MPPED1: variants seen among roughly 807,000 people sequenced by gnomAD.
MPPED1 encodes metallophosphoesterase domain-containing protein 1.
MPPED1 carries 16 observed loss-of-function variants against 36.2 expected under a neutral mutation model. The ratio of observed to expected loss-of-function variants is 0.44; its 90% CI spans 0.30 to 0.67. The LOEUF (loss-of-function observed/expected upper bound fraction) is 0.67, where lower values mean the gene tolerates loss of function less well. Ranked by LOEUF, MPPED1 falls within the 30% of genes least tolerant of loss-of-function variation. The probability of loss-of-function intolerance (pLI) is 0.10; values close to 1 mark genes in which losing one functional copy is unlikely to be tolerated. For missense variants in MPPED1, 307 were observed against 453.4 expected, an observed-to-expected ratio of 0.68 and a Z score of 2.93; for synonymous variants, 199 against 191.3, an observed-to-expected ratio of 1.04 and a Z score of -0.33.
intron 4 of MPPED1, among the ~76,000 whole-genome samples, chr22:43,477,913 T>G (rs1178125520): frequency 6.6e-6 from 1 of 152,152 alleles, no homozygotes; most frequent in African/African-American, 2.4e-5. Context: ...GAGGTCTGCT[T>G]GGGCCCATCC....
At chr22:43,499,045 GGTGGTGATGGAGGTA>G (rs1455601696) in intron 5 of MPPED1, among the ~76,000 whole-genome samples, 5 of 151,750 alleles carry the variant, frequency 3.3e-5, no homozygotes, top group South Asian at 2.1e-4. Context: ...TGGTGGAGGT[GGTGGTGATGGAGGTA>G]GTGGTGATGG....
In MPPED1 at chr22:43,482,528, A is replaced by G. The variant is rs570250400; in HGVS notation, c.632+7567A>G. 9.1e-4 allele frequency among the ~76,000 whole-genome samples: 139 copies of G among 152,296 alleles called. 1 individual carries two copies. The highest frequency in any genetic ancestry group is 3.2e-3 in the African/African-American group (131 of 41,562). ...GGGCTGCTCCAGACCATTCTGGAAT[A>G]CACATCCTGGTACGTGGCTCCCAGC... On this transcript the variant is annotated intron_variant, in intron 4 of 6. Coordinates refer to ENST00000443721, the MANE Select transcript of MPPED1 (RefSeq NM_001044370.2).
At chr22:43,443,677 G>C (rs1930230693) in intron 3 of MPPED1, among the ~76,000 whole-genome samples, 1 of 151,654 alleles carries the variant, frequency 6.6e-6, no homozygotes, top group Non-Finnish European at 1.5e-5. Flanking sequence ...TAAAAAAAAA[G>C]TCCAACCAAC....
At position 43,498,271 on chromosome 22, in the gene MPPED1, G is replaced by A. The variant is rs781493179; in HGVS notation, c.669G>A (p.Pro223=). The A allele has an allele frequency of 1.2e-5, 19 of 1,535,088 alleles. No homozygotes were observed. The highest frequency in any genetic ancestry group is 3.3e-4 in the Middle Eastern group (2 of 5,984). The change falls in exon 5 of 7, where the codon CCG becomes CCA. Residue 223 remains proline (P), a synonymous_variant. Transcript: ENST00000443721. The part of the protein sequence containing the change: ...PWFYGWGFNL[P]RGQALLEKWN... ...TCTACGGCTGGGGCTTCAACCTCCC[G>A]CGAGGCCAAGCCCTGCTGGAGAAAT...
At chr22:43,431,107 T>A (rs1428648221) in intron 2 of MPPED1, among the ~76,000 whole-genome samples, 1 of 135,310 alleles carries the variant, frequency 7.4e-6, no homozygotes, top group Non-Finnish European at 1.6e-5. Context: ...AGTGGTGCGA[T>A]CTCAGCTCAC....
At chr22:43,475,971 C>CGGT (rs1569082637) in intron 4 of MPPED1, among the ~76,000 whole-genome samples, 3 of 62,474 alleles carry the variant, frequency 4.8e-5, no homozygotes, top group Non-Finnish European at 1.1e-4. Context: ...AGGATGATTA[C>CGGT]GGTGGTGGTG....
At chr22:43,469,594 G>C (rs965636271) in intron 3 of MPPED1, among the ~76,000 whole-genome samples, 2 of 114,802 alleles carry the variant, frequency 1.7e-5, no homozygotes, top group African/African-American at 6.6e-5. Context: ...GTCAGGCCAT[G>C]CTGGGACTTC....
At chr22:43,439,721 C>T (rs1003145401) in intron 3 of MPPED1, among the ~76,000 whole-genome samples, 2 of 152,206 alleles carry the variant, frequency 1.3e-5, no homozygotes, top group Non-Finnish European at 2.9e-5. Flanking sequence ...ACATCTGTCA[C>T]GGTGAACAAC....
chr22:43,505,065 TAGTG>T (rs776449654), intron 6 of MPPED1, among the ~76,000 whole-genome samples: 2 of 151,392 alleles, frequency 1.3e-5, no homozygotes, highest in Non-Finnish European at 1.5e-5. Context: ...TTGATCATGA[TAGTG>T]ATGATGATGA....
At chr22:43,447,883 A>ATATATATATATATATATATATATATATTT (rs1321289636) in intron 3 of MPPED1, among the ~76,000 whole-genome samples, 3 of 67,704 alleles carry the variant, frequency 4.4e-5, no homozygotes, top group Non-Finnish European at 7.9e-5. Flanking sequence ...ATATATATAT[A>ATATATATATATATATATATATATATATTT]TTTTTTTTTT....
intron 3 of MPPED1, among the ~76,000 whole-genome samples, chr22:43,447,884 T>TATATATATATATATA (rs1491157280): frequency 7.0e-3 from 320 of 46,008 alleles, no homozygotes; most frequent in African/African-American, 0.014. Context: ...TATATATATA[T>TATATATATATATATA]TTTTTTTTTT....
At chr22:43,414,716 GTC>G (rs1405256791) in intron 1 of MPPED1, among the ~76,000 whole-genome samples, 1 of 152,136 alleles carries the variant, frequency 6.6e-6, no homozygotes, top group Non-Finnish European at 1.5e-5. Flanking sequence ...AATGTGACAT[GTC>G]TCTCCCATCG....
At chr22:43,422,817 C>T (rs1009420572) in intron 1 of MPPED1, among the ~76,000 whole-genome samples, 1 of 152,136 alleles carries the variant, frequency 6.6e-6, no homozygotes, top group Non-Finnish European at 1.5e-5. Context: ...ACCTGCACAA[C>T]CCCCAGGAGG....
chr22:43,419,266 T>A (rs1298630337), intron 1 of MPPED1: 1 of 152,240 alleles, frequency 6.6e-6, no homozygotes, highest in Non-Finnish European at 1.5e-5. Flanking sequence ...AAAAGCCGAC[T>A]GTGTGTTGGG....
chr22:43,461,278 T>C (rs1053054111), intron 3 of MPPED1, among the ~76,000 whole-genome samples: 1 of 152,198 alleles, frequency 6.6e-6, no homozygotes, highest in African/African-American at 2.4e-5. Flanking sequence ...AAAGCTGTTT[T>C]TCCCCCTCCT....
At chr22:43,498,123 C>G (rs564727205) in intron 4 of MPPED1, 112 bp from the exon 5 acceptor site, 15 of 745,136 alleles carry the variant, frequency 2.0e-5, no homozygotes, top group Admixed American at 1.1e-4. Context: ...CCTGGGTCTC[C>G]AGGTAGCGAG....
chr22:43,445,003 C>T (rs1930288171), intron 3 of MPPED1, among the ~76,000 whole-genome samples: 1 of 152,106 alleles, frequency 6.6e-6, no homozygotes, highest in Non-Finnish European at 1.5e-5. Context: ...GTACCCAGTG[C>T]TATGTGGGCT....
intron 1 of MPPED1, chr22:43,417,944 C>A: frequency 2.3e-6 from 1 of 425,672 alleles, no homozygotes; most frequent in Non-Finnish European, 4.7e-6. Flanking sequence ...AACGCCGCAG[C>A]GGGGATGGCT....
At chr22:43,439,984 G>A (rs2146839865) in intron 3 of MPPED1, among the ~76,000 whole-genome samples, 1 of 152,372 alleles carries the variant, frequency 6.6e-6, no homozygotes, top group Non-Finnish European at 1.5e-5. Context: ...TCTGCTGGTG[G>A]CTCTCGCCTT....
Sources: allele counts gnomAD v4.1 joint callset (sites outside exome capture counted in the v4.1 genomes callset), GRCh38; gene constraint gnomAD v4.1.1; transcripts MANE v1.5; gene names NCBI Gene and HGNC (gene_info 2026-07-23, HGNC 2026-07-21).